Variants in ZNF652 observed in about 807,000 individuals in gnomAD.
ZNF652 encodes zinc finger protein 652.
ZNF652 carries 16 observed loss-of-function variants against 45.2 expected under a neutral mutation model. That is an observed-to-expected ratio of 0.35 (90% CI 0.24 to 0.54). The LOEUF is 0.54. Among genes scored for constraint, ZNF652 ranks in the 20% least tolerant of loss-of-function variants. The pLI is 0.91. For missense variants in ZNF652, 614 were observed against 765.6 expected (o/e 0.80, Z 2.34); for synonymous variants, 250 against 260.6 (o/e 0.96, Z 0.39).
intron 5 of ZNF652, among the ~76,000 whole-genome samples, chr17:49,308,951 CTTGT>C (rs2086752870): frequency 6.6e-6 from 1 of 151,892 alleles, no homozygotes; most frequent in South Asian, 2.1e-4. Flanking sequence ...GAAAGAAACA[CTTGT>C]TTCACATTAT....
Position 49,317,859 on chromosome 17 carries a change from G to T in ZNF652, c.-134C>A. ...TGAAAAAAAGATATTCCTGGAAACT[G>T]TGTGCAATTCTTCCAGTGTTGCAGC... On this transcript the variant is annotated 5_prime_UTR_variant, in exon 2 of 6. Coordinates refer to ENST00000430262, the MANE Select transcript of ZNF652 (RefSeq NM_001145365.3). 1.9e-6 allele frequency: 2 copies of T among 1,030,300 alleles called. No homozygotes were observed. The highest frequency in any genetic ancestry group is 2.7e-6 in the Non-Finnish European group (2 of 743,512). The allele number at this position is 1,030,300 out of a possible 1,614,324, so 63.8% of individuals were successfully genotyped here. A position where few individuals can be genotyped will look rare whatever the true frequency, so the allele number is the denominator to read the frequency against.
At chr17:49,303,459 C>T (rs1341821774) in intron 5 of ZNF652, among the ~76,000 whole-genome samples, 2 of 151,998 alleles carry the variant, frequency 1.3e-5, no homozygotes, top group Non-Finnish European at 2.9e-5. Context: ...AGGCTGGTCT[C>T]ACACTCCTGA....
At chr17:49,331,251 A>C (rs994621986) in intron 1 of ZNF652, among the ~76,000 whole-genome samples, 4 of 151,076 alleles carry the variant, frequency 2.6e-5, no homozygotes, top group Admixed American at 6.6e-5. Context: ...CCTCCCAAGT[A>C]GCTGGGACTA....
intron 5 of ZNF652, among the ~76,000 whole-genome samples, chr17:49,304,800 T>C (rs2069604485): frequency 6.6e-6 from 1 of 152,082 alleles, no homozygotes; most frequent in African/African-American, 2.4e-5. Flanking sequence ...GTATGTGATC[T>C]GTCCAATAAA....
chr17:49,362,206 C>CGTGTGTGGATGTGT lies in ZNF652; in HGVS notation c.-570_-557dup, dbSNP rs1241657433. 1 of 150,682 alleles carries CGTGTGTGGATGTGT rather than the reference C, an allele frequency of 6.6e-6. No homozygotes were observed. Among genetic ancestry groups the CGTGTGTGGATGTGT allele is most frequent in the African/African-American group, 2.4e-5 (1 of 41,150 alleles). 9.3% of individuals were successfully genotyped at this position (150,682 alleles called of 1,614,324 possible). On this transcript the variant is annotated 5_prime_UTR_variant, in exon 1 of 6. Transcript: ENST00000430262. ...GGCGGGCGGCAGGGGAGGGGGTGTG[C>CGTGTGTGGATGTGT]GTGTGTGGATGTGTGTGCCGGAGGG...
At chr17:49,341,080 A>G (rs556742308) in intron 1 of ZNF652, among the ~76,000 whole-genome samples, 4 of 152,172 alleles carry the variant, frequency 2.6e-5, no homozygotes, top group African/African-American at 9.6e-5. Context: ...CTATGGTGGC[A>G]GGCTCCTGTA....
At chr17:49,320,920 G>A (rs78208413) in intron 1 of ZNF652, among the ~76,000 whole-genome samples, 8,410 of 152,114 alleles carry the variant, frequency 0.055, 328 homozygotes, top group Middle Eastern at 0.14. Context: ...GTGCGATCTC[G>A]TCTCACTGCA....
At position 49,317,854 on chromosome 17, in the gene ZNF652, A is replaced by C. The variant is rs2069832680; in HGVS notation, c.-129T>G. On this transcript the variant is annotated 5_prime_UTR_variant, in exon 2 of 6. Transcript: ENST00000430262. ...TCAAATGAAAAAAAGATATTCCTGG[A>C]AACTGTGTGCAATTCTTCCAGTGTT... 4 of 1,070,012 alleles carry C rather than the reference A, an allele frequency of 3.7e-6. No homozygotes were observed. Among genetic ancestry groups the C allele is most frequent in the African/African-American group, 1.6e-5 (1 of 62,648 alleles). The allele number at this position is 1,070,012 out of a possible 1,614,324, so 66.3% of individuals were successfully genotyped here. A position where few individuals can be genotyped will look rare whatever the true frequency, so the allele number is the denominator to read the frequency against.
In ZNF652 at chr17:49,362,226, G is replaced by C. The variant is rs947179386; in HGVS notation, c.-576C>G. ...GTGTGCGTGTGTGGATGTGTGTGCC[G>C]GAGGGGGCAGGGAGGGAGGCGAGCG... On this transcript the variant is annotated 5_prime_UTR_variant, in exon 1 of 6. Coordinates refer to ENST00000430262, the MANE Select transcript of ZNF652 (RefSeq NM_001145365.3). 10 of 150,638 alleles carry C rather than the reference G, an allele frequency of 6.6e-5. No homozygotes were observed. The highest frequency in any genetic ancestry group is 8.9e-5 in the Non-Finnish European group (6 of 67,266). The allele number at this position is 150,638 out of a possible 1,614,324, so 9.3% of individuals were successfully genotyped here.
intron 1 of ZNF652, among the ~76,000 whole-genome samples, chr17:49,333,551 A>AAAAAAAG (rs2070048038): frequency 1.6e-5 from 2 of 121,716 alleles, no homozygotes; most frequent in East Asian, 4.4e-4. Context: ...CTACTAAAAA[A>AAAAAAAG]AAAAAAAAAA....
rs1020235582 is a variant in ZNF652, at chr17:49,291,872, T to A, written c.*6541A>T. 6.6e-6 allele frequency among the ~76,000 whole-genome samples: 1 copy of A among 152,222 alleles called. No individual in the cohort carries two copies. Among genetic ancestry groups the A allele is most frequent in the Non-Finnish European group, 1.5e-5 (1 of 68,034 alleles). ...TAACATAAAAATCTACCTTTTTCAT[T>A]TTGTAAACTCACCTTCCCATCCCAA... On this transcript the variant is annotated 3_prime_UTR_variant, in exon 6 of 6. Coordinates refer to ENST00000430262, the MANE Select transcript of ZNF652 (RefSeq NM_001145365.3).
intron 1 of ZNF652, among the ~76,000 whole-genome samples, chr17:49,343,344 A>T (rs2070169018): frequency 6.6e-6 from 1 of 152,228 alleles, no homozygotes; most frequent in Admixed American, 6.5e-5. Context: ...AGTTACTTTT[A>T]GGATATAAGA....
intron 1 of ZNF652, chr17:49,361,228 C>T (rs1314871534): frequency 6.6e-6 from 1 of 152,150 alleles, no homozygotes; most frequent in Non-Finnish European, 1.5e-5. Context: ...CGAGGTGAGG[C>T]AGGGGCATTT....
intron 1 of ZNF652, among the ~76,000 whole-genome samples, chr17:49,335,569 TA>T (rs904199293): frequency 7.3e-5 from 11 of 151,342 alleles, no homozygotes; most frequent in Admixed American, 4.0e-4. Flanking sequence ...CTCTTATTAT[TA>T]AAAAAAAACT....
rs781286346 is a variant in ZNF652 at position 49,342,847 on chromosome 17, GA to G, written c.-259+19061del. Among the ~76,000 whole-genome samples the G allele has an allele frequency of 8.2e-4, 125 of 151,976 alleles. 1 individual carries two copies. Among genetic ancestry groups the G allele is most frequent in the Admixed American group, 3.0e-3 (45 of 15,228 alleles). ...ATAACATGAGCTGGGAAAGCTGATGGAAGATGTTCAAATATACAAAGGTTTT... is the reference window on the plus strand; with the variant it reads ...ATAACATGAGCTGGGAAAGCTGATGGAGATGTTCAAATATACAAAGGTTTT... On this transcript the variant is annotated intron_variant, in intron 1 of 5. Transcript: ENST00000430262.
intron 1 of ZNF652, among the ~76,000 whole-genome samples, chr17:49,342,581 A>C (rs1313135646): frequency 1.7e-5 from 2 of 119,114 alleles, no homozygotes; most frequent in African/African-American, 3.0e-5. Context: ...GAATCAATAC[A>C]TTTTCATGCT....
At chr17:49,309,244 C>T (rs1006191650) in intron 5 of ZNF652, among the ~76,000 whole-genome samples, 2 of 147,586 alleles carry the variant, frequency 1.4e-5, no homozygotes, top group African/African-American at 5.0e-5. Context: ...GTAATCCCAG[C>T]ACTTTGGGAG....
Position 49,328,078 on chromosome 17 carries a change from G to A in ZNF652, c.-258-10095C>T, listed in dbSNP as rs1327010431. 2.0e-5 allele frequency among the ~76,000 whole-genome samples: 3 copies of A among 151,956 alleles called. No individual in the cohort carries two copies. In the East Asian group the frequency reaches 5.8e-4, roughly 29 times the overall value. On this transcript the variant is annotated intron_variant, in intron 1 of 5. Coordinates refer to ENST00000430262, the MANE Select transcript of ZNF652 (RefSeq NM_001145365.3). The stretch of plus-strand genomic sequence containing the variant: ...TTTCTGTATATGTACAATGGAGATA[G>A]TCGTAGTTCTACCTCATGGATTACT...
Position 49,317,115 on chromosome 17 carries a change from G to A in ZNF652, c.611C>T (p.Ser204Phe), listed in dbSNP as rs200216032. 1.2e-6 allele frequency: 2 copies of A among 1,614,108 alleles called. No homozygotes were observed. The highest frequency in any genetic ancestry group is 8.5e-7 in the Non-Finnish European group (1 of 1,180,020). Residue 204 changes from serine (S) to phenylalanine (F), a missense_variant, in exon 2 of 6, where the codon TCC becomes TTC. This residue lies in a region of ZNF652 where 262 missense variants were observed against 306.3 expected (regional missense o/e 0.86). Transcript: ENST00000430262. Reference protein sequence around the residue: ...RAASVAAATTSPTPRTTRGRR... With the variant: ...RAASVAAATTFPTPRTTRGRR... Reference sequence around the variant, plus strand: ...ACCTCTTGTAGTTCTGGGAGTAGGGGAAGTGGTAGCTGCGGCAACAGAGGC... The same window carrying A: ...ACCTCTTGTAGTTCTGGGAGTAGGGAAAGTGGTAGCTGCGGCAACAGAGGC...
Sources: gnomAD v4.1 joint callset for allele counts (sites outside exome capture counted in the v4.1 genomes callset) on GRCh38, gnomAD v4.1.1 for gene constraint, gnomAD v4.1.1 regional missense constraint, MANE v1.5 for transcripts, NCBI Gene and HGNC (gene_info 2026-07-23, HGNC 2026-07-21) for gene names.